The following SHTN1 variants were observed in gnomAD, a reference collection of about 807,000 sequenced individuals.
SHTN1 encodes the protein shootin 1.
A neutral mutation model predicts 83.1 loss-of-function variants in SHTN1; 42 were observed. The observed-to-expected ratio is 0.51, with a 90% CI of 0.39 to 0.65. SHTN1 has a LOEUF of 0.65. Ranked by LOEUF, SHTN1 falls within the 30% of genes least tolerant of loss-of-function variation. The pLI is 0.00. For synonymous variants in SHTN1, 224 were observed against 247.7 expected (o/e 0.90, Z 0.90); for missense variants, 622 against 737.8 (o/e 0.84, Z 1.82).
chr10:117,020,836 C>T (rs117442234), intron 2 of SHTN1, among the ~76,000 whole-genome samples: 3,669 of 152,004 alleles, frequency 0.024, 130 homozygotes, highest in East Asian at 0.12. Context: ...AAGTTTTGCT[C>T]GTGACATCAT....
In SHTN1 at chr10:116,953,618, G is replaced by GT. The variant is rs1413652753; in HGVS notation, c.436+423dup. On this transcript the variant is annotated intron_variant, in intron 5 of 16. Coordinates refer to ENST00000355371, the MANE Select transcript of SHTN1 (RefSeq NM_001127211.3). ...GGTAGGACCCAGGCATCAGTTTTGT[G>GT]TTTTGTTTTTTTTTTTTTTTTTTTT... Among the ~76,000 whole-genome samples the GT allele has an allele frequency of 3.4e-3, 278 of 81,972 alleles. 5 individuals carry two copies. Among genetic ancestry groups the GT allele is most frequent in the African/African-American group, 8.4e-3 (244 of 29,058 alleles). 53.8% of individuals were successfully genotyped at this position (81,972 alleles called of 152,430 possible). A position where few individuals can be genotyped will look rare whatever the true frequency, so the allele number is the denominator to read the frequency against.
intron 15 of SHTN1, 85 bp downstream of exon 15, chr10:116,906,540 TAA>T (rs1847978002): frequency 7.5e-7 from 1 of 1,331,204 alleles, no homozygotes; most frequent in Admixed American, 2.7e-5. Flanking sequence ...TAATACTTTT[TAA>T]AAGATTGTTT....
At chr10:117,019,383 C>T (rs1452051214) in intron 2 of SHTN1, among the ~76,000 whole-genome samples, 2 of 151,672 alleles carry the variant, frequency 1.3e-5, no homozygotes, top group Non-Finnish European at 2.9e-5. Context: ...AGGGCCTCAC[C>T]GTGTTACCCA....
rs1847032802 is a variant in SHTN1 at position 116,882,111 on chromosome 10, C to T, written c.*4233G>A. The T allele has an allele frequency of 6.5e-6, 1 of 153,334 alleles. No individual in the cohort carries two copies. The highest frequency in any genetic ancestry group is 1.5e-5 in the Non-Finnish European group (1 of 68,862). 9.5% of individuals were successfully genotyped at this position (153,334 alleles called of 1,614,324 possible). On this transcript the variant is annotated 3_prime_UTR_variant, in exon 17 of 17. Transcript: ENST00000355371. ...ATGTCTGTGCTGAAAAGCACTGACACATTTTTGTAACCAACCTCACGTAGA... is the reference window on the plus strand; with the variant it reads ...ATGTCTGTGCTGAAAAGCACTGACATATTTTTGTAACCAACCTCACGTAGA...
intron 2 of SHTN1, among the ~76,000 whole-genome samples, chr10:117,012,379 C>A (rs796065852): frequency 1.3e-5 from 2 of 152,080 alleles, no homozygotes; most frequent in African/African-American, 2.4e-5. Context: ...TATAAAGCTA[C>A]AATAATTAAG....
At chr10:117,020,097 G>C (rs1176965309) in intron 2 of SHTN1, among the ~76,000 whole-genome samples, 1 of 152,054 alleles carries the variant, frequency 6.6e-6, no homozygotes, top group Admixed American at 6.6e-5. Flanking sequence ...TGAAACAAAA[G>C]AATAAACTTA....
intron 1 of SHTN1, among the ~76,000 whole-genome samples, chr10:117,119,182 G>C (rs77641821): frequency 4.2e-3 from 640 of 152,186 alleles, no homozygotes; most frequent in Non-Finnish European, 7.0e-3. Context: ...AGAAGGATAG[G>C]GGGAGGGAAG....
In SHTN1 at chr10:116,886,061, T is replaced by G. The variant is rs900448348; in HGVS notation, c.*283A>C. ...TCCTAAAAAGGTATCAACATCTGAA[T>G]TTTTTTGTAACCTTCTAAAAGAAGT... is the stretch of plus-strand genomic sequence containing the variant. On this transcript the variant is annotated 3_prime_UTR_variant, in exon 17 of 17. Coordinates refer to ENST00000355371, the MANE Select transcript of SHTN1 (RefSeq NM_001127211.3). 2.5e-6 allele frequency: 1 copy of G among 402,804 alleles called. No individual in the cohort carries two copies. The highest frequency in any genetic ancestry group is 4.4e-6 in the Non-Finnish European group (1 of 227,812). The allele number at this position is 402,804 out of a possible 1,614,324, so 25.0% of individuals were successfully genotyped here.
chr10:117,121,904 C>T (rs898671989), intron 1 of SHTN1, among the ~76,000 whole-genome samples: 24 of 151,944 alleles, frequency 1.6e-4, no homozygotes, highest in African/African-American at 4.4e-4. Context: ...TGGTGGCAGG[C>T]GCCTGTAGTC....
intron 13 of SHTN1, among the ~76,000 whole-genome samples, chr10:116,913,322 G>A (rs748335858): frequency 7.9e-5 from 12 of 152,216 alleles, no homozygotes; most frequent in Non-Finnish European, 1.5e-4. Flanking sequence ...AGGGGAAGAC[G>A]TCTGTCCTCA....
rs1202426484 is a variant in SHTN1, at chr10:116,881,681, C to A, written c.*4663G>T. 1.4e-6 allele frequency: 2 copies of A among 1,476,504 alleles called. No individual in the cohort carries two copies. The highest frequency in any genetic ancestry group is 1.4e-5 in the South Asian group (1 of 71,802). 91.5% of individuals were successfully genotyped at this position (1,476,504 alleles called of 1,614,324 possible). On this transcript the variant is annotated 3_prime_UTR_variant, in exon 17 of 17. Coordinates refer to ENST00000355371, the MANE Select transcript of SHTN1 (RefSeq NM_001127211.3). ...CATCCTCTGGATAGGGCTGTACACA[C>A]CCCAGGTTCCAGCCACACCATCAGT...
intron 2 of SHTN1, among the ~76,000 whole-genome samples, chr10:117,014,691 T>C (rs975852319): frequency 5.9e-5 from 9 of 152,180 alleles, no homozygotes; most frequent in Non-Finnish European, 1.0e-4. Context: ...AAAATTATTA[T>C]GCTGTGCAAA....
intron 14 of SHTN1, among the ~76,000 whole-genome samples, chr10:116,907,601 C>T (rs929604795): frequency 1.3e-5 from 2 of 152,108 alleles, no homozygotes; most frequent in South Asian, 2.1e-4. Context: ...CACTGGGTGA[C>T]GTATTTCTCA....
upstream of SHTN1, among the ~76,000 whole-genome samples, chr10:117,010,321 G>T (rs1564929989): frequency 6.6e-6 from 1 of 151,582 alleles, no homozygotes; most frequent in Non-Finnish European, 1.5e-5. Flanking sequence ...TAGAAGAAAT[G>T]GACAAATTCC....
intron 1 of SHTN1, among the ~76,000 whole-genome samples, chr10:116,980,015 T>C (rs145475255): frequency 2.0e-3 from 304 of 152,164 alleles, no homozygotes; most frequent in South Asian, 9.8e-3. Flanking sequence ...GAAAATATTA[T>C]CCACTAGGTA....
At chr10:117,047,365 C>T (rs1434497397) in intron 2 of SHTN1, among the ~76,000 whole-genome samples, 1 of 146,192 alleles carries the variant, frequency 6.8e-6, no homozygotes, top group African/African-American at 2.6e-5. Context: ...ATGCCCAGCC[C>T]TCAAAAATAT....
chr10:117,083,176 G>A (rs1853297508), intron 1 of SHTN1, among the ~76,000 whole-genome samples: 1 of 145,968 alleles, frequency 6.9e-6, no homozygotes, highest in Non-Finnish European at 1.5e-5. Flanking sequence ...GCTGGTACCG[G>A]TTGTTCCTTT....
At chr10:116,990,263 C>A (rs1255164704) in intron 1 of SHTN1, among the ~76,000 whole-genome samples, 1 of 127,354 alleles carries the variant, frequency 7.9e-6, no homozygotes. Context: ...TTTTTCTTGT[C>A]TTTTTTCTTT....
At chr10:117,038,928 G>C (rs940386079) in intron 2 of SHTN1, among the ~76,000 whole-genome samples, 1 of 152,162 alleles carries the variant, frequency 6.6e-6, no homozygotes, top group South Asian at 2.1e-4. Context: ...TTGGAAGACG[G>C]TTTGGTAGTT....
Sources: allele counts gnomAD v4.1 joint callset (sites outside exome capture counted in the v4.1 genomes callset), GRCh38; gene constraint gnomAD v4.1.1; transcripts MANE v1.5; gene names NCBI Gene and HGNC (gene_info 2026-07-23, HGNC 2026-07-21).